Variants in CDH12 observed in about 807,000 individuals in gnomAD.
CDH12 encodes the protein cadherin-12.
In CDH12, 41 loss-of-function variants were observed where a neutral mutation model predicts 74.1. The ratio of observed to expected loss-of-function variants is 0.55; its 90% confidence interval spans 0.43 to 0.72. CDH12 has a LOEUF of 0.72. Among genes scored for constraint, CDH12 ranks in the 30% least tolerant of loss-of-function variants. The pLI is 0.00. For missense variants in CDH12, 945 were observed against 977.2 expected (o/e 0.97, Z 0.44); for synonymous variants, 399 against 355.0 (o/e 1.12, Z -1.39).
intron 11 of CDH12, among the ~76,000 whole-genome samples, chr5:21,781,747 A>T (rs1745927498): frequency 6.7e-6 from 1 of 150,282 alleles, no homozygotes. Context: ...AGTGGCAACC[A>T]ATGGAGCACT....
rs1167341669 is a variant in CDH12 at position 22,064,018 on chromosome 5, CACAA to C, written c.231+14424_231+14427del. ...ACACACACACACACACACACACACA[CACAA>C]ACACACACACACACACAGTTGACCA... On this transcript the variant is annotated intron_variant, in intron 5 of 14. Transcript: ENST00000382254. Among the ~76,000 whole-genome samples the C allele has an allele frequency of 9.3e-4, 132 of 142,050 alleles. 1 individual carries two copies. Among genetic ancestry groups the C allele is most frequent in the Admixed American group, 1.8e-3 (26 of 14,312 alleles). 93.2% of individuals were successfully genotyped at this position (142,050 alleles called of 152,430 possible).
At chr5:22,592,296 A>T (rs945921441) in intron 1 of CDH12, among the ~76,000 whole-genome samples, 4 of 152,176 alleles carry the variant, frequency 2.6e-5, no homozygotes, top group African/African-American at 9.6e-5. Flanking sequence ...CATGTTGCCC[A>T]GCCTTCTCCT....
chr5:22,402,011 T>A (rs1317398028), intron 3 of CDH12, among the ~76,000 whole-genome samples: 1 of 152,216 alleles, frequency 6.6e-6, no homozygotes, highest in Admixed American at 6.5e-5. Flanking sequence ...TTTGGCCTTC[T>A]GGCCTTCAGA....
At chr5:22,070,950 G>C (rs554800443) in intron 5 of CDH12, among the ~76,000 whole-genome samples, 4 of 152,088 alleles carry the variant, frequency 2.6e-5, no homozygotes, top group East Asian at 1.9e-4. Flanking sequence ...ACAAGGGAGG[G>C]GAGCAACACA....
chr5:22,398,090 A>G (rs1297968884), intron 3 of CDH12, among the ~76,000 whole-genome samples: 1 of 152,144 alleles, frequency 6.6e-6, no homozygotes, highest in Non-Finnish European at 1.5e-5. Flanking sequence ...CCACCTGCTG[A>G]GAGAGATGAA....
intron 13 of CDH12, among the ~76,000 whole-genome samples, chr5:21,758,381 ACTTT>A (rs1744523429): frequency 6.6e-6 from 1 of 152,096 alleles, no homozygotes; most frequent in Non-Finnish European, 1.5e-5. Context: ...GGAGACTCTG[ACTTT>A]CTTTGCCTAA....
intron 1 of CDH12, among the ~76,000 whole-genome samples, chr5:22,751,141 A>C (rs1274330949): frequency 6.6e-6 from 1 of 151,876 alleles, no homozygotes; most frequent in Non-Finnish European, 1.5e-5. Context: ...GAGGAAAAAT[A>C]AATGGTTTAA....
chr5:22,715,520 A>G (rs975590526), intron 1 of CDH12, among the ~76,000 whole-genome samples: 1 of 152,186 alleles, frequency 6.6e-6, no homozygotes. Context: ...TCAGGGTTCA[A>G]AATGGAGCAC....
intron 2 of CDH12, among the ~76,000 whole-genome samples, chr5:22,447,481 A>C (rs1744859639): frequency 6.6e-6 from 1 of 152,148 alleles, no homozygotes; most frequent in Admixed American, 6.6e-5. Flanking sequence ...GATATAAAAA[A>C]TTCTGATGTA....
At chr5:22,747,246 AT>A (rs965360611) in intron 1 of CDH12, among the ~76,000 whole-genome samples, 3 of 152,136 alleles carry the variant, frequency 2.0e-5, no homozygotes, top group Non-Finnish European at 4.4e-5. Flanking sequence ...ATAACATGTG[AT>A]TTTTAAAATG....
chr5:22,798,385 T>C (rs1242161367), intron 1 of CDH12, among the ~76,000 whole-genome samples: 1 of 152,146 alleles, frequency 6.6e-6, no homozygotes, highest in African/African-American at 2.4e-5. Flanking sequence ...CAGACACATA[T>C]CATATATATT....
In CDH12 at chr5:22,544,179, T is replaced by C. The variant is rs75769559; in HGVS notation, c.-522-38815A>G. 1.2e-3 allele frequency among the ~76,000 whole-genome samples: 190 copies of C among 152,218 alleles called. 7 individuals carry two copies. In the East Asian group the frequency reaches 0.034, roughly 27 times the overall value. On this transcript the variant is annotated intron_variant, in intron 1 of 14. Coordinates refer to ENST00000382254, the MANE Select transcript of CDH12 (RefSeq NM_004061.5). ...CTATTTGGCTCTTTTCTCCTCTAGGTTGTCTCCAAATAATCACAGTTGCCT... is the reference window on the plus strand; with the variant it reads ...CTATTTGGCTCTTTTCTCCTCTAGGCTGTCTCCAAATAATCACAGTTGCCT...
chr5:22,641,433 T>C (rs1028815046), intron 1 of CDH12, among the ~76,000 whole-genome samples: 66 of 152,110 alleles, frequency 4.3e-4, no homozygotes, highest in African/African-American at 1.3e-3. Context: ...TGGTTGATGG[T>C]GCCTGTCCTC....
chr5:22,671,657 G>A (rs1740904745), intron 1 of CDH12, among the ~76,000 whole-genome samples: 1 of 151,984 alleles, frequency 6.6e-6, no homozygotes, highest in African/African-American at 2.4e-5. Context: ...AGTGTTTATA[G>A]GCCAAGATTG....
chr5:22,676,333 GC>G (rs1741188073), intron 1 of CDH12, among the ~76,000 whole-genome samples: 1 of 152,104 alleles, frequency 6.6e-6, no homozygotes, highest in Non-Finnish European at 1.5e-5. Flanking sequence ...CATGAATTTT[GC>G]TTATGGCACA....
intron 1 of CDH12, among the ~76,000 whole-genome samples, chr5:22,789,485 T>A (rs1046472568): frequency 2.6e-5 from 4 of 152,106 alleles, no homozygotes; most frequent in Non-Finnish European, 4.4e-5. Context: ...AGCATACAGA[T>A]GTTAATGCGA....
At chr5:22,671,133 C>G (rs952240164) in intron 1 of CDH12, among the ~76,000 whole-genome samples, 1 of 151,892 alleles carries the variant, frequency 6.6e-6, no homozygotes, top group African/African-American at 2.4e-5. Flanking sequence ...CAAATAAGTG[C>G]ATATATTTAA....
chr5:22,324,435 C>A (rs890565262), intron 3 of CDH12, among the ~76,000 whole-genome samples: 1 of 151,586 alleles, frequency 6.6e-6, no homozygotes. Flanking sequence ...CCGTGTTAAC[C>A]CTCTTAAGTT....
chr5:22,564,570 A>C (rs1739205931), intron 1 of CDH12, among the ~76,000 whole-genome samples: 1 of 152,010 alleles, frequency 6.6e-6, no homozygotes, highest in African/African-American at 2.4e-5. Flanking sequence ...TCTTTCTTTT[A>C]AATTTTTTAC....
Sources: allele counts gnomAD v4.1 joint callset (sites outside exome capture counted in the v4.1 genomes callset), GRCh38; gene constraint gnomAD v4.1.1; transcripts MANE v1.5; gene names NCBI Gene and HGNC (gene_info 2026-07-23, HGNC 2026-07-21).